The following MACF1 variants were observed in gnomAD, a reference collection of about 807,000 sequenced individuals.
MACF1 encodes the protein microtubule-actin cross-linking factor 1.
Under a neutral mutation model 854.8 loss-of-function variants are expected in MACF1, and 193 were observed. The ratio of observed to expected loss-of-function variants is 0.23; its 90% CI spans 0.20 to 0.25. The LOEUF (loss-of-function observed/expected upper bound fraction) is 0.25. Among genes scored for constraint, MACF1 ranks in the 10% least tolerant of loss-of-function variants. The pLI is 1.00. For synonymous variants in MACF1, 3,185 were observed against 3,226.7 expected (o/e 0.99, Z 0.44); for missense variants, 7,722 against 8,929.1 (o/e 0.86, Z 5.45).
At chr1:39,424,294 G>A in intron 61 of MACF1, 100 bp downstream of exon 61, 1 of 1,042,414 alleles carries the variant, frequency 9.6e-7, no homozygotes, top group Non-Finnish European at 1.4e-6. Flanking sequence ...ATAGATTTTT[G>A]GAAGGTGTTT....
rs756400572 is a variant in MACF1 at position 39,317,387 on chromosome 1, C to G, written c.3762C>G (p.Val1254=). ...AGCTGCAGGAGCGTTGGCACCGAGT[C>G]ATTGCCCAGCTCGAGATTCGGTGAG... ...GSQLQERWHR[V]IAQLEIRQSE... The change falls in exon 29 of 101, where the codon GTC becomes GTG. Residue 1254 remains valine, a synonymous_variant. Coordinates refer to ENST00000564288, the MANE Select transcript of MACF1 (RefSeq NM_001394062.1). The G allele has an allele frequency of 6.2e-7, 1 of 1,612,818 alleles. No individual in the cohort carries two copies. Among genetic ancestry groups the G allele is most frequent in the South Asian group, 1.1e-5 (1 of 90,974 alleles).
intron 6 of MACF1, among the ~76,000 whole-genome samples, chr1:39,270,170 A>G (rs1645289587): frequency 6.6e-6 from 1 of 152,220 alleles, no homozygotes; most frequent in African/African-American, 2.4e-5. Flanking sequence ...GCTCTTCCTC[A>G]CAGGAGAGTG....
chr1:39,261,818 C>T lies in MACF1; in HGVS notation c.528+3790C>T, dbSNP rs1174792225. On this transcript the variant is annotated intron_variant, in intron 6 of 100. Coordinates refer to ENST00000564288, the MANE Select transcript of MACF1 (RefSeq NM_001394062.1). ...TTTCTCTTGTGTATACATGTATATA[C>T]CTAGGAATGGGATTTCTTAATTGTA... Among the ~76,000 whole-genome samples, 3 of 152,082 alleles carry T rather than the reference C, an allele frequency of 2.0e-5. No individual in the cohort carries two copies. The East Asian group carries it at 5.8e-4, about 29-fold the overall frequency.
At position 39,084,368 on chromosome 1, in the gene MACF1, T is replaced by A; in HGVS notation, c.150T>A (p.His50Gln). The change falls in exon 2 of 94, where the codon CAT (histidine) becomes CAA (glutamine). Residue 50 changes from histidine (H) to glutamine (Q), a missense_variant. Physicochemically the swap from His to Gln is conservative, Grantham distance 24. Transcript: ENST00000361689. This position sits in a 1 kb window ranked among gnomAD's most constrained non-coding sequence, Gnocchi z 5.2. ...CCTTGCCCTGGAACCTGCCACTGCA[T>A]GAGCAGAAAAAGCGGAAAAGCCAGG... The A allele has an allele frequency of 6.2e-7, 1 of 1,613,770 alleles. No homozygotes were observed. The highest frequency in any genetic ancestry group is 8.5e-7 in the Non-Finnish European group (1 of 1,180,020).
intron 2 of MACF1, among the ~76,000 whole-genome samples, chr1:39,147,419 C>T (rs1643493185): frequency 6.9e-6 from 1 of 143,942 alleles, no homozygotes; most frequent in African/African-American, 2.6e-5. Flanking sequence ...CTTTTTCCTT[C>T]TCTTTTCCCT....
intron 49 of MACF1, among the ~76,000 whole-genome samples, chr1:39,367,452 G>A (rs1024599658): frequency 2.0e-5 from 3 of 151,978 alleles, no homozygotes; most frequent in African/African-American, 7.3e-5. Context: ...ACCCACCTTG[G>A]CCCCGAAAAG....
At chr1:39,117,947 T>C (rs568191630) in intron 2 of MACF1, among the ~76,000 whole-genome samples, 1 of 152,252 alleles carries the variant, frequency 6.6e-6, no homozygotes, top group Non-Finnish European at 1.5e-5. Context: ...CCAACTAAGA[T>C]GGCAGAGAGC....
At chr1:39,436,319 T>C (rs1292164644) in intron 70 of MACF1, among the ~76,000 whole-genome samples, 1 of 152,208 alleles carries the variant, frequency 6.6e-6, no homozygotes, top group African/African-American at 2.4e-5. Context: ...GTTTAGTCAA[T>C]ATTCTTGGTT....
At chr1:39,426,308 T>A (rs1643725387) in intron 61 of MACF1, among the ~76,000 whole-genome samples, 2 of 152,226 alleles carry the variant, frequency 1.3e-5, no homozygotes, top group Admixed American at 1.3e-4. Context: ...CAACTTTTTT[T>A]ATTTAAACCA....
chr1:39,253,771 C>T (rs1344941147), intron 4 of MACF1, among the ~76,000 whole-genome samples: 2 of 152,204 alleles, frequency 1.3e-5, no homozygotes, highest in African/African-American at 2.4e-5. Flanking sequence ...CTGCCTCGGC[C>T]TCCCAAAGTG....
intron 58 of MACF1, among the ~76,000 whole-genome samples, chr1:39,406,174 A>G (rs1358035378): frequency 2.0e-5 from 3 of 152,138 alleles, no homozygotes; most frequent in African/African-American, 7.2e-5. Context: ...ACTATATGTA[A>G]TTTCTCTTTA....
intron 2 of MACF1, among the ~76,000 whole-genome samples, chr1:39,130,859 G>A (rs1360909266): frequency 6.9e-6 from 1 of 144,964 alleles, no homozygotes; most frequent in African/African-American, 2.6e-5. Context: ...TTTTTTTTTC[G>A]AGATGGAGTT....
chr1:39,389,349 G>GTTTTTTTT (rs1557625833), intron 58 of MACF1, among the ~76,000 whole-genome samples: 1 of 105,892 alleles, frequency 9.4e-6, no homozygotes, highest in Non-Finnish European at 1.9e-5. Context: ...TGGTTTTTGT[G>GTTTTTTTT]TGTTTTTTTT....
At chr1:39,256,326 T>C (rs977297103) in intron 5 of MACF1, among the ~76,000 whole-genome samples, 2 of 151,820 alleles carry the variant, frequency 1.3e-5, no homozygotes, top group African/African-American at 2.4e-5. Flanking sequence ...CAACTGTTAG[T>C]GATTAGAAAA....
chr1:39,458,479 G>T lies in MACF1; in HGVS notation c.21185G>T (p.Arg7062Leu). The change falls in exon 90 of 101, where the codon CGC becomes CTC. Residue 7062 changes from arginine (R) to leucine (L), a missense_variant. By Grantham distance (102) the Arg-to-Leu change is moderately radical (BLOSUM62 -2). Transcript: ENST00000564288. Reference protein sequence around the residue: ...PTHAPFIEKSRSGGRKSLSQP... With the variant: ...PTHAPFIEKSLSGGRKSLSQP... ...CACGCGCCTTTCATAGAGAAATCCC[G>T]CAGCGGAGGCAGTATGTTTCCAGCC... is the stretch of plus-strand genomic sequence containing the variant. 6.2e-7 allele frequency: 1 copy of T among 1,612,980 alleles called. No individual in the cohort carries two copies. Among genetic ancestry groups the T allele is most frequent in the Non-Finnish European group, 8.5e-7 (1 of 1,179,426 alleles).
chr1:39,429,305 G>A lies in MACF1; in HGVS notation c.16867G>A (p.Ala5623Thr), dbSNP rs377337112. The stretch of plus-strand genomic sequence containing the variant: ...AGATCAAGCTATTAAAAATGGTCAG[G>A]CTCTTCTAAAACAAACCACAGGTAC... ...NVDQAIKNGQ[A>T]LLKQTTGEEV... Residue 5623 changes from alanine (A) to threonine (T), a missense_variant, in exon 64 of 101, where the codon GCT becomes ACT. Ala to Thr is a moderately conservative substitution (Grantham distance 58, BLOSUM62 0). Around this residue, in one of 15 missense-constraint regions of MACF1, gnomAD observed 2,807 missense variants for 3,235.8 expected, o/e 0.87. Transcript: ENST00000564288. 4 of 1,585,840 alleles carry A rather than the reference G, an allele frequency of 2.5e-6. No individual in the cohort carries two copies. The highest frequency in any genetic ancestry group is 2.2e-5 in the East Asian group (1 of 44,672).
chr1:39,256,360 G>C (rs989976613), intron 5 of MACF1, among the ~76,000 whole-genome samples: 3 of 152,136 alleles, frequency 2.0e-5, no homozygotes, highest in Non-Finnish European at 4.4e-5. Context: ...GGAGGGGACA[G>C]GTTTTCCCAC....
chr1:39,131,530 T>C (rs533838554), intron 2 of MACF1, among the ~76,000 whole-genome samples: 1 of 152,224 alleles, frequency 6.6e-6, no homozygotes, highest in South Asian at 2.1e-4. Context: ...TGCCTTTTTT[T>C]CCCTCCATAA....
At position 39,485,691 on chromosome 1, in the gene MACF1, G is replaced by C. The variant is rs768300328; in HGVS notation, c.22565G>C (p.Gly7522Ala). Residue 7522 changes from glycine (G) to alanine (A), a missense_variant, in exon 101 of 101, where the codon GGC (glycine) becomes GCC (alanine). This residue lies in a region of MACF1 where 185 missense variants were observed against 225.7 expected (regional missense o/e 0.82). Coordinates refer to ENST00000564288, the MANE Select transcript of MACF1 (RefSeq NM_001394062.1). ...SDTSESSAAG[G>A]QGNSRRGLNK... ...ACTTCAGAAAGCAGCGCTGCAGGGG[G>C]CCAAGGCAACTCCAGGAGAGGGCTA... is the stretch of plus-strand genomic sequence containing the variant. 1.4e-5 allele frequency: 22 copies of C among 1,613,880 alleles called. No homozygotes were observed. The Admixed American group carries it at 3.7e-4, about 27-fold the overall frequency.
Sources: gnomAD v4.1 joint callset for allele counts (sites outside exome capture counted in the v4.1 genomes callset) on GRCh38, gnomAD v4.1.1 for gene constraint, gnomAD v4.1.1 regional missense constraint, Gnocchi (gnomAD v3.1) non-coding constraint, MANE v1.5 for transcripts, NCBI Gene and HGNC (gene_info 2026-07-23, HGNC 2026-07-21) for gene names.